The following TMEM223 variants were observed in gnomAD, a reference collection of about 807,000 sequenced individuals.
TMEM223 encodes the protein transmembrane protein 223.
Under a neutral mutation model 14.1 loss-of-function variants are expected in TMEM223, and 14 were observed. The ratio of observed to expected loss-of-function variants is 0.99; its 90% CI spans 0.66 to 1.55. The LOEUF is 1.55. Among genes scored for constraint, TMEM223 ranks in the 40% most tolerant of loss-of-function variants. The probability of loss-of-function intolerance (pLI) is 0.00; values close to 1 mark genes in which losing one functional copy is unlikely to be tolerated. For synonymous variants in TMEM223, 145 were observed against 120.5 expected (o/e 1.20, Z -1.33); for missense variants, 346 against 269.9 (o/e 1.28, Z -1.97).
chr11:62,782,734 T>G (rs774247098), downstream of TMEM223: 2 of 1,612,638 alleles, frequency 1.2e-6, no homozygotes, highest in South Asian at 1.1e-5. Flanking sequence ...CAGCATATCC[T>G]GCTATCCCTG....
At chr11:62,787,502 C>T (rs370414966), downstream of TMEM223, 6 of 1,577,056 alleles carry the variant, frequency 3.8e-6, no homozygotes, top group Non-Finnish European at 4.3e-6. Flanking sequence ...GGGGCCGTGG[C>T]GGCCGCGGCG....
At chr11:62,783,350 C>CG (rs910511794), downstream of TMEM223, among the ~76,000 whole-genome samples, 2 of 151,878 alleles carry the variant, frequency 1.3e-5, no homozygotes, top group African/African-American at 4.8e-5. Flanking sequence ...GGTGTGGTGG[C>CG]GGGCGCCTGT....
In TMEM223 at chr11:62,790,801, CCCAAGCCA is replaced by C. The variant is rs1565194898; in HGVS notation, c.423_430del (p.Phe141LeufsTer19). 5 of 1,606,702 alleles carry C rather than the reference CCCAAGCCA, an allele frequency of 3.1e-6. No individual in the cohort carries two copies. In the South Asian group the frequency reaches 5.6e-5, roughly 18 times the overall value. On this transcript the variant is annotated frameshift_variant, in exon 2 of 2. Coordinates refer to ENST00000307366, the MANE Select transcript of TMEM223 (RefSeq NM_001080501.3). LOFTEE classifies it high-confidence loss of function. ...CTTCAAAGGAACTGTGAAATGGGCCCCCAAGCCAAAGGGGGCATGAGTGGTGAGGGTCA... is the reference window on the plus strand; with the variant it reads ...CTTCAAAGGAACTGTGAAATGGGCCCAAGGGGGCATGAGTGGTGAGGGTCA...
At chr11:62,776,016 G>T in intron 1 of TMEM223, 1 of 1,462,306 alleles carries the variant, frequency 6.8e-7, no homozygotes. Flanking sequence ...TTATTCAAGT[G>T]TACACTGGGT....
At chr11:62,781,997 T>A (rs752589970) in intron 1 of TMEM223, 13 of 1,612,418 alleles carry the variant, frequency 8.1e-6, no homozygotes, top group Non-Finnish European at 1.1e-5. Context: ...ACAGGGAGAA[T>A]GTTTTATAAG....
intron 2 of TMEM223, among the ~76,000 whole-genome samples, chr11:62,772,708 T>C (rs1590931464): frequency 7.3e-6 from 1 of 137,902 alleles, no homozygotes; most frequent in East Asian, 2.2e-4. Context: ...CACAGGCCTG[T>C]AATCCCAGCT....
Position 62,775,786 on chromosome 11 carries a change from G to A in TMEM223, c.315-1121C>T. ...CCACTCCCAGCTCCACTGGGGCCAT[G>A]TCAGAGCGAGAAGAGCGGCGGTTTG... On this transcript the variant is annotated intron_variant, in intron 1 of 2. Coordinates refer to the TMEM223 transcript ENST00000528367. 3 of 1,607,526 alleles carry A rather than the reference G, an allele frequency of 1.9e-6. No homozygotes were observed. The African/African-American group carries it at 4.0e-5, about 21-fold the overall frequency.
At chr11:62,784,818 G>T (rs2084258344), downstream of TMEM223, among the ~76,000 whole-genome samples, 1 of 152,142 alleles carries the variant, frequency 6.6e-6, no homozygotes, top group Admixed American at 6.5e-5. Flanking sequence ...GGACTGTAAT[G>T]CATTTTAATT....
chr11:62,784,424 C>T (rs1000579824), downstream of TMEM223, among the ~76,000 whole-genome samples: 3 of 151,752 alleles, frequency 2.0e-5, no homozygotes, highest in African/African-American at 4.8e-5. Flanking sequence ...CCTGCCTCAG[C>T]CTCCCGAGAG....
downstream of TMEM223, chr11:62,787,675 C>T: frequency 9.4e-7 from 1 of 1,069,036 alleles, no homozygotes; most frequent in Non-Finnish European, 1.3e-6. Context: ...ACCTGAAATG[C>T]AGCGAGGCTA....
chr11:62,776,318 A>G (rs1017489551), intron 1 of TMEM223: 1 of 1,542,516 alleles, frequency 6.5e-7, no homozygotes, highest in African/African-American at 1.4e-5. Flanking sequence ...GGCCCACTTC[A>G]TTTGGGGTTT....
intron 2 of TMEM223, among the ~76,000 whole-genome samples, chr11:62,774,058 C>T (rs1302665979): frequency 6.6e-6 from 1 of 151,970 alleles, no homozygotes; most frequent in Non-Finnish European, 1.5e-5. Context: ...CCTCCAGAGC[C>T]ATTGTTCAGA....
chr11:62,787,663 G>A (rs748855082), downstream of TMEM223: 39 of 1,174,130 alleles, frequency 3.3e-5, no homozygotes, highest in Middle Eastern at 5.8e-4. Flanking sequence ...GCGCCGGCCT[G>A]TACCTGAAAT....
chr11:62,775,417 C>A (rs1041523979), intron 1 of TMEM223, among the ~76,000 whole-genome samples: 1 of 152,220 alleles, frequency 6.6e-6, no homozygotes, highest in African/African-American at 2.4e-5. Flanking sequence ...ATTTTCACAG[C>A]AACCCTGTGA....
At chr11:62,771,344 C>T (rs1202103008), downstream of TMEM223, 1 of 152,660 alleles carries the variant, frequency 6.6e-6, no homozygotes, top group Non-Finnish European at 1.5e-5. Flanking sequence ...GGAAACTTTC[C>T]AAGGCGCCCG....
chr11:62,781,875 T>C, intron 1 of TMEM223: 1 of 1,613,020 alleles, frequency 6.2e-7, no homozygotes, highest in Admixed American at 1.7e-5. Flanking sequence ...TCCAATGCAG[T>C]CTGGGCCCTT....
intron 1 of TMEM223, among the ~76,000 whole-genome samples, chr11:62,791,187 A>G (rs1040901597): frequency 2.6e-5 from 4 of 152,138 alleles, no homozygotes; most frequent in Admixed American, 6.5e-5. Flanking sequence ...GACCTTGCTC[A>G]AGGTCGCAGA....
chr11:62,784,908 T>C (rs2084258938), downstream of TMEM223, among the ~76,000 whole-genome samples: 1 of 152,218 alleles, frequency 6.6e-6, no homozygotes, highest in Non-Finnish European at 1.5e-5. Flanking sequence ...GTACTGTCCT[T>C]GTCTGGTTTT....
At chr11:62,781,713 A>T in intron 1 of TMEM223, 1 of 569,070 alleles carries the variant, frequency 1.8e-6, no homozygotes, top group Non-Finnish European at 3.2e-6. Flanking sequence ...GGCCATATGC[A>T]GGTATATGTG....
Sources: gnomAD v4.1 joint callset for allele counts (sites outside exome capture counted in the v4.1 genomes callset) on GRCh38, gnomAD v4.1.1 for gene constraint, MANE v1.5 for transcripts, NCBI Gene and HGNC (gene_info 2026-07-23, HGNC 2026-07-21) for gene names.